Variants in EHBP1 observed in about 807,000 individuals in gnomAD.
The protein encoded by EHBP1 is EH domain binding protein 1.
EHBP1 carries 55 observed loss-of-function variants against 144.0 expected under a neutral mutation model. The ratio of observed to expected loss-of-function variants is 0.38; its 90% CI spans 0.31 to 0.48. The LOEUF (loss-of-function observed/expected upper bound fraction) is 0.48, where lower values mean the gene tolerates loss of function less well. EHBP1 is among the 20% of genes least tolerant of loss of function. The pLI, the probability that EHBP1 is intolerant of heterozygous loss-of-function variation, is 0.98. For synonymous variants in EHBP1, 469 were observed against 472.7 expected (o/e 0.99, Z 0.10); for missense variants, 1,200 against 1,364.2 (o/e 0.88, Z 1.90).
chr2:62,906,453 T>G (rs1400519509), intron 10 of EHBP1, among the ~76,000 whole-genome samples: 1 of 152,226 alleles, frequency 6.6e-6, no homozygotes, highest in Non-Finnish European at 1.5e-5. Context: ...CCATATGAAC[T>G]TTAGCATCAG....
At chr2:62,760,705 T>C (rs2040699247) in intron 3 of EHBP1, among the ~76,000 whole-genome samples, 1 of 152,202 alleles carries the variant, frequency 6.6e-6, no homozygotes, top group African/African-American at 2.4e-5. Flanking sequence ...GATAGAAGAC[T>C]ATTTTCTTGA....
chr2:62,736,283 G>A (rs1336859158), intron 2 of EHBP1, among the ~76,000 whole-genome samples: 1 of 138,582 alleles, frequency 7.2e-6, no homozygotes, highest in African/African-American at 2.7e-5. Flanking sequence ...CTGGAGTACA[G>A]TGGTGCGTTC....
Position 62,948,815 on chromosome 2 carries a change from G to C in EHBP1, c.1969G>C (p.Ala657Pro). Reference protein sequence around the residue: ...VLLGKKRLLKAETLELSDLYV... With the variant: ...VLLGKKRLLKPETLELSDLYV... ...GTTAGGCAAAAAGAGACTATTGAAA[G>C]CTGAGACTTTAGAATTGAGTGACTT... is the stretch of plus-strand genomic sequence containing the variant. The change falls in exon 13 of 23, where the codon GCT (alanine) becomes CCT (proline). Residue 657 changes from alanine (A) to proline (P), a missense_variant. This residue lies in a region of EHBP1 where 543 missense variants were observed against 513.1 expected (regional missense o/e 1.06). Transcript: ENST00000431489. 6.2e-7 allele frequency: 1 copy of C among 1,614,154 alleles called. No individual in the cohort carries two copies. The highest frequency in any genetic ancestry group is 8.5e-7 in the Non-Finnish European group (1 of 1,180,010).
rs961471470 is a variant in EHBP1, at chr2:62,887,671, G to A, written c.1185+13139G>A. Among the ~76,000 whole-genome samples, 13 of 152,038 alleles carry A rather than the reference G, an allele frequency of 8.6e-5. 1 individual carries two copies. Among genetic ancestry groups the A allele is most frequent in the Admixed American group, 3.3e-4 (5 of 15,262 alleles). On this transcript the variant is annotated intron_variant, in intron 10 of 22. Transcript: ENST00000431489. The stretch of plus-strand genomic sequence containing the variant: ...GGGAGGATTGCTTGAGCCCAGGAGC[G>A]GAGGTCGTGGTGAGCCACTGCACTC...
intron 21 of EHBP1, among the ~76,000 whole-genome samples, chr2:63,040,071 G>A (rs2061596238): frequency 6.6e-6 from 1 of 151,550 alleles, no homozygotes; most frequent in Admixed American, 6.6e-5. Flanking sequence ...TATAGTTTTT[G>A]TAGTCATGGT....
intron 1 of EHBP1, among the ~76,000 whole-genome samples, chr2:62,698,524 G>T (rs1295612470): frequency 6.6e-6 from 1 of 152,192 alleles, no homozygotes; most frequent in Non-Finnish European, 1.5e-5. Context: ...ATTGAACTAT[G>T]GCACAAAAAC....
At chr2:63,016,582 C>T (rs967930457) in intron 19 of EHBP1, among the ~76,000 whole-genome samples, 2 of 151,912 alleles carry the variant, frequency 1.3e-5, no homozygotes, top group African/African-American at 4.8e-5. Flanking sequence ...AGGTACCCAC[C>T]ACCACGCCCG....
At chr2:62,830,228 A>ACAC (rs1168011455) in intron 6 of EHBP1, among the ~76,000 whole-genome samples, 5 of 151,444 alleles carry the variant, frequency 3.3e-5, no homozygotes, top group Non-Finnish European at 7.4e-5. Flanking sequence ...ACACACATAC[A>ACAC]CACAATATGG....
chr2:62,688,070 G>A (rs2033777238), intron 1 of EHBP1, among the ~76,000 whole-genome samples: 1 of 152,168 alleles, frequency 6.6e-6, no homozygotes, highest in Admixed American at 6.5e-5. Context: ...AAGCAGCAAA[G>A]TGATATATCC....
chr2:62,800,320 A>T (rs1234461291), intron 5 of EHBP1, among the ~76,000 whole-genome samples: 1 of 152,162 alleles, frequency 6.6e-6, no homozygotes, highest in Non-Finnish European at 1.5e-5. Flanking sequence ...TTCTTTCTTT[A>T]ATGTTACTTG....
intron 10 of EHBP1, among the ~76,000 whole-genome samples, chr2:62,912,142 A>G (rs1216148328): frequency 1.3e-5 from 2 of 152,192 alleles, no homozygotes; most frequent in African/African-American, 4.8e-5. Context: ...TATGAGTGAT[A>G]TGATATTAGA....
At chr2:63,015,375 G>A (rs1393981358) in intron 19 of EHBP1, among the ~76,000 whole-genome samples, 1 of 152,082 alleles carries the variant, frequency 6.6e-6, no homozygotes, top group African/African-American at 2.4e-5. Context: ...TTAAAAATAT[G>A]CTAATTCTTT....
chr2:62,979,665 A>G (rs2058873247), intron 15 of EHBP1, among the ~76,000 whole-genome samples: 1 of 152,214 alleles, frequency 6.6e-6, no homozygotes, highest in South Asian at 2.1e-4. Flanking sequence ...AATCCCTAAC[A>G]TCTAAATCAG....
chr2:62,769,814 A>C (rs1052840051), intron 4 of EHBP1, among the ~76,000 whole-genome samples: 97 of 149,544 alleles, frequency 6.5e-4, no homozygotes, highest in African/African-American at 2.2e-3. Context: ...AAAAAAAAAA[A>C]AAGCAGGCAT....
Position 63,037,552 on chromosome 2 carries a change from G to A in EHBP1, c.3121G>A (p.Glu1041Lys), listed in dbSNP as rs761722856. 6.2e-7 allele frequency: 1 copy of A among 1,607,064 alleles called. No individual in the cohort carries two copies. Among genetic ancestry groups the A allele is most frequent in the Non-Finnish European group, 8.5e-7 (1 of 1,176,480 alleles). The change falls in exon 20 of 23, where the codon GAA becomes AAA. Residue 1041 changes from glutamate to lysine, a missense_variant. By Grantham distance (56) the Glu-to-Lys change is moderately conservative. Coordinates refer to ENST00000431489, the MANE Select transcript of EHBP1 (RefSeq NM_001142616.3). ...LMDTGRNTEE[E>K]EAMMQEWFML... ...AATTATAGGAAGGAACACAGAAGAA[G>A]AAGAAGCTATGATGCAGGAATGGTT...
intron 10 of EHBP1, among the ~76,000 whole-genome samples, chr2:62,920,531 T>C (rs2054987346): frequency 6.6e-6 from 1 of 152,070 alleles, no homozygotes; most frequent in Non-Finnish European, 1.5e-5. Context: ...ACATGTAAAA[T>C]AATAAAGATC....
chr2:62,908,047 T>C (rs1222927926), intron 10 of EHBP1, among the ~76,000 whole-genome samples: 4 of 152,130 alleles, frequency 2.6e-5, no homozygotes, highest in Admixed American at 1.3e-4. Context: ...CTTCTTTAAA[T>C]GTTTGGGAGA....
chr2:62,694,943 A>G (rs1303239794), intron 1 of EHBP1, among the ~76,000 whole-genome samples: 2 of 152,206 alleles, frequency 1.3e-5, no homozygotes, highest in Non-Finnish European at 1.5e-5. Context: ...AAGTATATGT[A>G]TATGTCATAT....
intron 5 of EHBP1, among the ~76,000 whole-genome samples, chr2:62,792,963 T>C (rs1321560136): frequency 2.0e-5 from 3 of 151,986 alleles, no homozygotes; most frequent in Non-Finnish European, 4.4e-5. Context: ...TTAAAAATTT[T>C]AATATTTATT....
Sources: gnomAD v4.1 joint callset for allele counts (sites outside exome capture counted in the v4.1 genomes callset) on GRCh38, gnomAD v4.1.1 for gene constraint, gnomAD v4.1.1 regional missense constraint, MANE v1.5 for transcripts, NCBI Gene and HGNC (gene_info 2026-07-23, HGNC 2026-07-21) for gene names.